Variants in INPP4A observed in about 807,000 individuals in gnomAD.
INPP4A encodes inositol polyphosphate-4-phosphatase, type I, 107kD.
Under a neutral mutation model 119.8 loss-of-function variants are expected in INPP4A, and 33 were observed. That is an observed-to-expected ratio of 0.28 (90% CI 0.21 to 0.37). INPP4A has a LOEUF of 0.37. INPP4A is among the 10% of genes least tolerant of loss of function. The pLI is 1.00. For synonymous variants in INPP4A, 496 were observed against 500.7 expected (o/e 0.99, Z 0.12); for missense variants, 956 against 1,289.9 (o/e 0.74, Z 3.97).
intron 17 of INPP4A, among the ~76,000 whole-genome samples, chr2:98,562,934 C>A (rs1323220089): frequency 6.6e-6 from 1 of 152,146 alleles, no homozygotes; most frequent in Non-Finnish European, 1.5e-5. Flanking sequence ...GAATAGTCCT[C>A]CTCCAGGTGT....
intron 18 of INPP4A, among the ~76,000 whole-genome samples, chr2:98,564,149 G>T (rs1696009380): frequency 6.6e-6 from 1 of 152,112 alleles, no homozygotes; most frequent in South Asian, 2.1e-4. Context: ...AGTGATTTGG[G>T]GTTGGGCTGG....
chr2:98,479,817 G>A (rs1337894522), intron 1 of INPP4A, among the ~76,000 whole-genome samples: 3 of 152,176 alleles, frequency 2.0e-5, no homozygotes, highest in Non-Finnish European at 4.4e-5. Flanking sequence ...TTTGTGCCTG[G>A]CCCTGGGCTG....
intron 1 of INPP4A, among the ~76,000 whole-genome samples, chr2:98,493,876 A>T (rs1681366149): frequency 6.6e-6 from 1 of 152,158 alleles, no homozygotes; most frequent in Non-Finnish European, 1.5e-5. Context: ...ATTGGGATTC[A>T]CTTCTGGAAT....
chr2:98,554,868 T>C lies in INPP4A; in HGVS notation c.1566+379T>C, dbSNP rs1694169524. Among the ~76,000 whole-genome samples, 1 of 152,170 alleles carries C rather than the reference T, an allele frequency of 6.6e-6. No homozygotes were observed. Among genetic ancestry groups the C allele is most frequent in the Non-Finnish European group, 1.5e-5 (1 of 68,032 alleles). Reference sequence around the variant, plus strand: ...TTAGATTTTCCAGGGCTATGTGTATTTGGGGACGTGGGAGCTCTGGTGCTG... The same window carrying C: ...TTAGATTTTCCAGGGCTATGTGTATCTGGGGACGTGGGAGCTCTGGTGCTG... On this transcript the variant is annotated intron_variant, in intron 15 of 24. Transcript: ENST00000409851. This position sits in a 1 kb window ranked among gnomAD's most constrained non-coding sequence, Gnocchi z 4.7.
At chr2:98,467,146 G>C (rs766805994) in intron 1 of INPP4A, among the ~76,000 whole-genome samples, 7 of 152,090 alleles carry the variant, frequency 4.6e-5, no homozygotes, top group Non-Finnish European at 8.8e-5. Flanking sequence ...GGTGGTGGTG[G>C]TGTCCCAGGC....
chr2:98,562,883 G>C (rs1482753674), intron 17 of INPP4A, among the ~76,000 whole-genome samples: 2 of 152,176 alleles, frequency 1.3e-5, no homozygotes, highest in Non-Finnish European at 2.9e-5. Context: ...GTGAGTGCAA[G>C]GTGGGGCCGT....
intron 17 of INPP4A, among the ~76,000 whole-genome samples, chr2:98,560,430 G>C (rs533584730): frequency 1.3e-5 from 2 of 152,306 alleles, no homozygotes; most frequent in East Asian, 3.9e-4. Flanking sequence ...TCAGCATAGT[G>C]TGGCAGCTCC....
intron 8 of INPP4A, among the ~76,000 whole-genome samples, chr2:98,538,516 C>G (rs1470669438): frequency 6.6e-6 from 1 of 152,174 alleles, no homozygotes; most frequent in Non-Finnish European, 1.5e-5. Context: ...AGAGCCCTAG[C>G]GCTGGTAAGT....
chr2:98,476,836 C>T (rs754392432), intron 1 of INPP4A, among the ~76,000 whole-genome samples: 8 of 152,170 alleles, frequency 5.3e-5, no homozygotes, highest in Middle Eastern at 3.2e-3. Flanking sequence ...GTACTTTTAA[C>T]AGTAATTAAC....
At chr2:98,469,936 G>A (rs1256263690) in intron 1 of INPP4A, among the ~76,000 whole-genome samples, 1 of 152,234 alleles carries the variant, frequency 6.6e-6, no homozygotes, top group Non-Finnish European at 1.5e-5. Context: ...CTCTCAGGCT[G>A]TGAAGGTGAA....
chr2:98,549,088 A>C, intron 13 of INPP4A: 1 of 834,574 alleles, frequency 1.2e-6, no homozygotes, highest in Non-Finnish European at 2.0e-6. Context: ...CATGGTTCCT[A>C]GTTATACACC....
intron 1 of INPP4A, among the ~76,000 whole-genome samples, chr2:98,508,263 T>C (rs1477256417): frequency 6.6e-6 from 1 of 151,994 alleles, no homozygotes; most frequent in Non-Finnish European, 1.5e-5. Context: ...TGTGTTTGGG[T>C]GGAAGAAGAA....
At chr2:98,461,909 T>G (rs555244980) in intron 1 of INPP4A, among the ~76,000 whole-genome samples, 44 of 152,350 alleles carry the variant, frequency 2.9e-4, no homozygotes, top group African/African-American at 1.0e-3. Flanking sequence ...TTAGCTTCTT[T>G]CCAGCCTGTG....
intron 1 of INPP4A, among the ~76,000 whole-genome samples, chr2:98,466,051 T>C (rs1408248456): frequency 6.6e-6 from 1 of 152,090 alleles, no homozygotes; most frequent in African/African-American, 2.4e-5. Context: ...GTTTTTTGTT[T>C]TTTTGTTTTT....
chr2:98,451,548 G>A lies in INPP4A; in HGVS notation c.-166+6463G>A, dbSNP rs147120267. Among the ~76,000 whole-genome samples the A allele has an allele frequency of 1.3e-3, 199 of 152,222 alleles. 2 individuals are homozygous for A. The highest frequency in any genetic ancestry group is 4.6e-3 in the African/African-American group (191 of 41,524). On this transcript the variant is annotated intron_variant, in intron 1 of 24. Coordinates refer to ENST00000409851, the MANE Select transcript of INPP4A (RefSeq NM_001134225.2). Reference sequence around the variant, plus strand: ...GTAGTTTTCCTGACCTCCGGTTGCTGCAGCGCCCCTCTTTTTGCACCTCAC... The same window carrying A: ...GTAGTTTTCCTGACCTCCGGTTGCTACAGCGCCCCTCTTTTTGCACCTCAC...
At chr2:98,573,460 ATTC>A (rs1697842567) in intron 23 of INPP4A, among the ~76,000 whole-genome samples, 1 of 152,282 alleles carries the variant, frequency 6.6e-6, no homozygotes, top group South Asian at 2.1e-4. Context: ...GGCGAGGTTA[ATTC>A]TTCTCCACAG....
In INPP4A at chr2:98,569,318, G is replaced by A. The variant is rs1188588126; in HGVS notation, c.2518+650G>A. 6.6e-6 allele frequency: 1 copy of A among 152,346 alleles called. No homozygotes were observed. Among genetic ancestry groups the A allele is most frequent in the Non-Finnish European group, 1.5e-5 (1 of 68,152 alleles). The allele number at this position is 152,346 out of a possible 1,614,324, so 9.4% of individuals were successfully genotyped here. ...CTAGAGGATCCGATGGCGAATGAGG[G>A]GTGGACCCTACCTTGGAGGGAAAGC... On this transcript the variant is annotated intron_variant, in intron 22 of 24. Coordinates refer to ENST00000409851, the MANE Select transcript of INPP4A (RefSeq NM_001134225.2). The surrounding 1 kb of genome is among the most constrained non-coding windows in gnomAD (Gnocchi z 5.1).
At chr2:98,491,878 A>G (rs1238382349) in intron 1 of INPP4A, among the ~76,000 whole-genome samples, 3 of 150,100 alleles carry the variant, frequency 2.0e-5, no homozygotes, top group Admixed American at 6.7e-5. Flanking sequence ...AGTTCAAAAT[A>G]TCATATGTCA....
intron 4 of INPP4A, among the ~76,000 whole-genome samples, chr2:98,533,124 A>C (rs1250011567): frequency 6.6e-6 from 1 of 152,224 alleles, no homozygotes; most frequent in Non-Finnish European, 1.5e-5. Context: ...CTCCATGGAC[A>C]TGGGAAGCCC....
Sources: gnomAD v4.1 joint callset for allele counts (sites outside exome capture counted in the v4.1 genomes callset) on GRCh38, gnomAD v4.1.1 for gene constraint, Gnocchi (gnomAD v3.1) non-coding constraint, MANE v1.5 for transcripts, NCBI Gene and HGNC (gene_info 2026-07-23, HGNC 2026-07-21) for gene names.